The following SHANK2 variants were observed in gnomAD, a reference collection of about 807,000 sequenced individuals.
SHANK2 encodes the protein SH3 and multiple ankyrin repeat domains protein 2.
A neutral mutation model predicts 133.7 loss-of-function variants in SHANK2; 43 were observed. The ratio of observed to expected loss-of-function variants is 0.32; its 90% CI spans 0.25 to 0.41. The LOEUF is 0.41. Among genes scored for constraint, SHANK2 ranks in the 10% least tolerant of loss-of-function variants. The pLI is 1.00. For synonymous variants in SHANK2, 1,017 were observed against 952.8 expected (o/e 1.07, Z -1.24); for missense variants, 1,994 against 2,235.8 (o/e 0.89, Z 2.18).
intron 3 of SHANK2, among the ~76,000 whole-genome samples, chr11:71,140,289 C>T (rs1230326607): frequency 2.6e-5 from 4 of 152,186 alleles, no homozygotes; most frequent in African/African-American, 9.6e-5. Context: ...CTGAAGAGGC[C>T]CTGGCTTTCA....
intron 17 of SHANK2, among the ~76,000 whole-genome samples, chr11:70,607,095 C>T (rs565509950): frequency 6.6e-6 from 1 of 152,202 alleles, no homozygotes; most frequent in Non-Finnish European, 1.5e-5. Context: ...CCTCAGCCCT[C>T]TTCTGTGGCC....
intron 11 of SHANK2, among the ~76,000 whole-genome samples, chr11:70,890,879 G>T (rs1158731175): frequency 1.3e-5 from 2 of 151,660 alleles, no homozygotes; most frequent in Non-Finnish European, 2.9e-5. Context: ...CAGGAGAATC[G>T]CTTGAACCCG....
Position 71,151,911 on chromosome 11 carries a change from C to T in SHANK2, c.-12-4573G>A, listed in dbSNP as rs147723547. On this transcript the variant is annotated intron_variant, in intron 2 of 25. Coordinates refer to ENST00000601538, the MANE Select transcript of SHANK2 (RefSeq NM_012309.5). ...GGAGGCCAGGGCTCCCGATCGCAGA[C>T]GCCCACAAGAGCAGTCAGGGGGGCA... Among the ~76,000 whole-genome samples the T allele has an allele frequency of 3.3e-3, 500 of 152,160 alleles. 1 individual carries two copies. Among genetic ancestry groups the T allele is most frequent in the Non-Finnish European group, 5.7e-3 (387 of 68,010 alleles).
At chr11:71,203,936 C>T (rs943624807) in intron 2 of SHANK2, among the ~76,000 whole-genome samples, 2 of 152,182 alleles carry the variant, frequency 1.3e-5, no homozygotes, top group South Asian at 2.1e-4. Context: ...CGTGCCGCCC[C>T]GGGAGAGAAC....
Position 71,115,886 on chromosome 11 carries a change from T to G in SHANK2, c.412-2522A>C, listed in dbSNP as rs191196986. Reference sequence around the variant, plus strand: ...GGTCCGTGGGATCAGAACCTTGACTTTTCTGTGCCAGAAAAGTGTGTGGTC... The same window carrying G: ...GGTCCGTGGGATCAGAACCTTGACTGTTCTGTGCCAGAAAAGTGTGTGGTC... On this transcript the variant is annotated intron_variant, in intron 4 of 25. Transcript: ENST00000601538. 1.1e-3 allele frequency among the ~76,000 whole-genome samples: 169 copies of G among 152,294 alleles called. 1 individual carries two copies. Among genetic ancestry groups the G allele is most frequent in the African/African-American group, 3.8e-3 (159 of 41,574 alleles).
At chr11:70,642,815 C>T (rs782162732) in intron 17 of SHANK2, among the ~76,000 whole-genome samples, 1 of 152,206 alleles carries the variant, frequency 6.6e-6, no homozygotes, top group Non-Finnish European at 1.5e-5. Flanking sequence ...GCCATAATTT[C>T]ACCAGCTCGT....
chr11:70,759,752 C>T (rs1214631080), intron 14 of SHANK2, among the ~76,000 whole-genome samples: 1 of 152,180 alleles, frequency 6.6e-6, no homozygotes, highest in Admixed American at 6.5e-5. Flanking sequence ...TTTTCTCTTC[C>T]TCTAGCAGCC....
rs895461285 is a variant in SHANK2, at chr11:71,093,058, G to C, written c.745-469C>G. Among the ~76,000 whole-genome samples, 4 of 144,314 alleles carry C rather than the reference G, an allele frequency of 2.8e-5. 1 individual carries two copies. Among genetic ancestry groups the C allele is most frequent in the Non-Finnish European group, 4.6e-5 (3 of 65,272 alleles). 94.7% of individuals were successfully genotyped at this position (144,314 alleles called of 152,430 possible). A position where few individuals can be genotyped will look rare whatever the true frequency, so the allele number is the denominator to read the frequency against. ...GCTCAGTCTCAAAAATAAAGGGGGG[G>C]GGGGGCAGGTATAACTTTAGACAAC... On this transcript the variant is annotated intron_variant, in intron 7 of 25. Coordinates refer to ENST00000601538, the MANE Select transcript of SHANK2 (RefSeq NM_012309.5).
intron 2 of SHANK2, among the ~76,000 whole-genome samples, chr11:71,196,504 T>C (rs1953905711): frequency 1.3e-5 from 2 of 151,950 alleles, no homozygotes; most frequent in South Asian, 4.2e-4. Context: ...CAGTCTGGTC[T>C]CAAATTCTGG....
At chr11:70,757,481 G>C (rs782257055) in intron 14 of SHANK2, among the ~76,000 whole-genome samples, 1 of 152,260 alleles carries the variant, frequency 6.6e-6, no homozygotes, top group Non-Finnish European at 1.5e-5. Flanking sequence ...CTCCCATGGC[G>C]TGTTGAGCCA....
intron 11 of SHANK2, among the ~76,000 whole-genome samples, chr11:70,878,164 GGCTGCCCCA>G (rs1164356701): frequency 6.6e-6 from 1 of 152,200 alleles, no homozygotes; most frequent in Non-Finnish European, 1.5e-5. Context: ...CACTGCAGAA[GGCTGCCCCA>G]TCCACATCTC....
At chr11:70,697,307 G>T (rs114521197) in intron 15 of SHANK2, among the ~76,000 whole-genome samples, 2,878 of 152,298 alleles carry the variant, frequency 0.019, 96 homozygotes, top group African/African-American at 0.067. Flanking sequence ...AGAAAAAATT[G>T]GGGGCGGGGA....
rs2058602239 is a variant in SHANK2 at position 70,471,944 on chromosome 11, A to G, written c.*925T>C. Reference sequence around the variant, plus strand: ...CAGAGCTCAAGACATCTTCAATTAAAAAGAATTCTGAGAGGCAGAGAAGCC... The same window carrying G: ...CAGAGCTCAAGACATCTTCAATTAAGAAGAATTCTGAGAGGCAGAGAAGCC... On this transcript the variant is annotated 3_prime_UTR_variant, in exon 26 of 26. Coordinates refer to ENST00000601538, the MANE Select transcript of SHANK2 (RefSeq NM_012309.5). The surrounding 1 kb of genome is among the most constrained non-coding windows in gnomAD (Gnocchi z 4.1). 6.6e-6 allele frequency: 1 copy of G among 152,462 alleles called. No individual in the cohort carries two copies. The highest frequency in any genetic ancestry group is 6.5e-5 in the Admixed American group (1 of 15,296). 9.4% of individuals were successfully genotyped at this position (152,462 alleles called of 1,614,324 possible). A position where few individuals can be genotyped will look rare whatever the true frequency, so the allele number is the denominator to read the frequency against.
intron 17 of SHANK2, among the ~76,000 whole-genome samples, chr11:70,638,313 G>C (rs554062418): frequency 6.6e-6 from 1 of 152,338 alleles, no homozygotes; most frequent in South Asian, 2.1e-4. Flanking sequence ...CAGTGACAGA[G>C]GACCCAGGCC....
Position 70,485,497 on chromosome 11 carries a change from G to A in SHANK2, c.4796C>T (p.Pro1599Leu). The A allele has an allele frequency of 6.2e-7, 1 of 1,613,796 alleles. No individual in the cohort carries two copies. Among genetic ancestry groups the A allele is most frequent in the Non-Finnish European group, 8.5e-7 (1 of 1,180,042 alleles). ...AQPGMAKVLQ[P>L]RTSKLWGDVT... ...GTCGCCCCACAACTTGGAGGTCCTT[G>A]GCTGGAGAACCTTGGCCATCCCAGG... Residue 1599 changes from proline to leucine, a missense_variant, in exon 25 of 26, where the codon CCA becomes CTA. Physicochemically the swap from Pro to Leu is moderately conservative, Grantham distance 98 (BLOSUM62 -3). This residue lies in a region of SHANK2 where 797 missense variants were observed against 907.4 expected (regional missense o/e 0.88). Transcript: ENST00000601538. This position sits in a 1 kb window ranked among gnomAD's most constrained non-coding sequence, Gnocchi z 5.8.
At chr11:71,225,874 G>C (rs554574140) in intron 1 of SHANK2, among the ~76,000 whole-genome samples, 1 of 152,294 alleles carries the variant, frequency 6.6e-6, no homozygotes, top group Admixed American at 6.5e-5. Context: ...CTGTAATCCC[G>C]GCACTTTGGG....
At position 70,542,312 on chromosome 11, in the gene SHANK2, A is replaced by G. The variant is rs192920690; in HGVS notation, c.2062-39381T>C. On this transcript the variant is annotated intron_variant, in intron 17 of 25. Transcript: ENST00000601538. ...ACGGGTGCCCTTATGAGGGATGAGA[A>G]GAGAGAGGAGGATGAGGCTGTGTGA... 3.0e-3 allele frequency among the ~76,000 whole-genome samples: 462 copies of G among 152,268 alleles called. 4 individuals are homozygous for G. The highest frequency in any genetic ancestry group is 6.4e-3 in the South Asian group (31 of 4,832).
intron 15 of SHANK2, among the ~76,000 whole-genome samples, chr11:70,682,394 T>C (rs956558891): frequency 6.6e-6 from 1 of 152,200 alleles, no homozygotes; most frequent in African/African-American, 2.4e-5. Context: ...GACACAATGA[T>C]GTTGCAAAGG....
chr11:70,729,293 C>G (rs1238792576), intron 14 of SHANK2, among the ~76,000 whole-genome samples: 2 of 151,198 alleles, frequency 1.3e-5, no homozygotes, highest in Non-Finnish European at 2.9e-5. Flanking sequence ...GTGAATGAAG[C>G]CAGACACCAA....
Sources: allele counts gnomAD v4.1 joint callset (sites outside exome capture counted in the v4.1 genomes callset), GRCh38; gene constraint gnomAD v4.1.1; regional missense constraint gnomAD v4.1.1; non-coding constraint Gnocchi (gnomAD v3.1); transcripts MANE v1.5; gene names NCBI Gene and HGNC (gene_info 2026-07-23, HGNC 2026-07-21).